The following NSD3 variants were observed in gnomAD, a reference collection of about 807,000 sequenced individuals.
The protein encoded by NSD3 is nuclear receptor binding SET domain protein 3.
A neutral mutation model predicts 160.8 loss-of-function variants in NSD3; 24 were observed. The observed-to-expected ratio is 0.15, with a 90% CI of 0.11 to 0.21. NSD3 has a LOEUF of 0.21. NSD3 is among the 10% of genes least tolerant of loss of function. The pLI, the probability that NSD3 is intolerant of heterozygous loss-of-function variation, is 1.00. For synonymous variants in NSD3, 520 were observed against 600.0 expected, an observed-to-expected ratio of 0.87 and a Z score of 1.95; for missense variants, 1,157 against 1,735.9, an observed-to-expected ratio of 0.67 and a Z score of 5.93.
At chr8:38,346,183 TAC>T (rs1259558034) in intron 2 of NSD3, among the ~76,000 whole-genome samples, 3 of 147,782 alleles carry the variant, frequency 2.0e-5, no homozygotes, top group Admixed American at 2.0e-4. Flanking sequence ...TATGTATATA[TAC>T]ATATATGTAT....
intron 22 of NSD3, chr8:38,276,710 G>A: frequency 1.7e-6 from 1 of 575,660 alleles, no homozygotes; most frequent in Non-Finnish European, 3.0e-6. Flanking sequence ...TTGAGATGGA[G>A]TTCTCGCTCT....
intron 2 of NSD3, among the ~76,000 whole-genome samples, chr8:38,346,897 A>C (rs562990320): frequency 6.6e-6 from 1 of 152,110 alleles, no homozygotes; most frequent in African/African-American, 2.4e-5. Context: ...AGCTAGAATT[A>C]TGTTACATAC....
chr8:38,371,174 T>C (rs1460545939), intron 1 of NSD3, among the ~76,000 whole-genome samples: 3 of 152,158 alleles, frequency 2.0e-5, no homozygotes, highest in East Asian at 1.9e-4. Flanking sequence ...AAAATACATA[T>C]GAAAAAATAT....
Position 38,278,415 on chromosome 8 carries a change from G to A in NSD3, c.3761-3C>T, listed in dbSNP as rs1179204960. The A allele has an allele frequency of 1.2e-6, 2 of 1,607,354 alleles. No homozygotes were observed. The highest frequency in any genetic ancestry group is 1.7e-6 in the Non-Finnish European group (2 of 1,176,182). Reference sequence around the variant, plus strand: ...ATAATTAAATGTTAACTCCATCCCTGAAACACAGGAGAAATAATTATTCAA... The same window carrying A: ...ATAATTAAATGTTAACTCCATCCCTAAAACACAGGAGAAATAATTATTCAA... On this transcript the variant is annotated splice_polypyrimidine_tract_variant and splice_region_variant and intron_variant, in intron 21 of 23. Transcript: ENST00000317025.
At chr8:38,308,797 C>G (rs1809466085) in intron 12 of NSD3, among the ~76,000 whole-genome samples, 1 of 152,144 alleles carries the variant, frequency 6.6e-6, no homozygotes, top group Non-Finnish European at 1.5e-5. Flanking sequence ...GCCTGGGCGA[C>G]AGAGCAAGAA....
chr8:38,278,182 C>T (rs1808653698), intron 22 of NSD3, 124 bp downstream of exon 22: 1 of 651,880 alleles, frequency 1.5e-6, no homozygotes, highest in East Asian at 3.2e-5. Flanking sequence ...TCGTGATCTG[C>T]CCGCCTTGGC....
At chr8:38,341,731 C>T (rs1810372888) in intron 2 of NSD3, among the ~76,000 whole-genome samples, 1 of 151,920 alleles carries the variant, frequency 6.6e-6, no homozygotes, top group Admixed American at 6.6e-5. Context: ...GCAGGTGGAT[C>T]ACTTGAGCCT....
intron 6 of NSD3, 47 bp from the exon 7 acceptor site, chr8:38,326,903 G>A (rs747029369): frequency 6.2e-7 from 1 of 1,605,542 alleles, no homozygotes; most frequent in Non-Finnish European, 8.5e-7. Flanking sequence ...GTGATTACCA[G>A]GCAAGTGGCA....
rs778131454 is a variant in NSD3, at chr8:38,276,497, C to T, written c.3871G>A (p.Ala1291Thr). 3.1e-6 allele frequency: 5 copies of T among 1,614,110 alleles called. No individual in the cohort carries two copies. Among genetic ancestry groups the T allele is most frequent in the Admixed American group, 3.3e-5 (2 of 60,014 alleles). The change falls in exon 23 of 24, where the codon GCA becomes ACA. Residue 1291 changes from alanine (A) to threonine (T), a missense_variant. Physicochemically the swap from Ala to Thr is moderately conservative, Grantham distance 58. Around this residue, in one of 10 missense-constraint regions of NSD3, gnomAD observed 222 missense variants for 409.9 expected, o/e 0.54. Coordinates refer to ENST00000317025, the MANE Select transcript of NSD3 (RefSeq NM_023034.2). ...SGFLGVRPKS[A>T]CASTNEEKAK... is the part of the protein sequence containing the mutation. ...TTCTCTTCATTTGTTGACGCACATG[C>T]CGACTGGCAGGAAAGAAAGGATCAT...
intron 22 of NSD3, among the ~76,000 whole-genome samples, chr8:38,277,665 C>T (rs978967849): frequency 6.6e-6 from 1 of 152,180 alleles, no homozygotes; most frequent in Admixed American, 6.5e-5. Flanking sequence ...AGATATAATT[C>T]ACATACCACA....
At chr8:38,277,576 C>T (rs1808631544) in intron 22 of NSD3, among the ~76,000 whole-genome samples, 1 of 152,168 alleles carries the variant, frequency 6.6e-6, no homozygotes, top group African/African-American at 2.4e-5. Flanking sequence ...CACGCCCAGC[C>T]AGGTGCTTTT....
chr8:38,359,750 C>G (rs1180000686), intron 1 of NSD3, among the ~76,000 whole-genome samples: 1 of 152,050 alleles, frequency 6.6e-6, no homozygotes, highest in East Asian at 1.9e-4. Flanking sequence ...AATGTTTTGT[C>G]AAGGAAATAA....
At chr8:38,376,094 CTA>C (rs1295449342) in intron 1 of NSD3, among the ~76,000 whole-genome samples, 4 of 152,030 alleles carry the variant, frequency 2.6e-5, no homozygotes, top group Non-Finnish European at 5.9e-5. Context: ...ACCAATGTCT[CTA>C]TTTTTTTTCC....
Position 38,338,572 on chromosome 8 carries a change from T to A in NSD3, c.711A>T (p.Lys237Asn), listed in dbSNP as rs1810281428. Residue 237 changes from lysine (K) to asparagine (N), a missense_variant, in exon 3 of 24, where the codon AAA becomes AAT. Coordinates refer to ENST00000317025, the MANE Select transcript of NSD3 (RefSeq NM_023034.2). ...CTTTTAGTACTGGTTCTTCCCTTGG[T>A]TTTTCTGATACAGTGTCAACCCTCT... is the stretch of plus-strand genomic sequence containing the variant. The part of the protein sequence containing the change: ...PNERVDTVSE[K>N]PREEPVLKEE... The A allele has an allele frequency of 6.2e-7, 1 of 1,613,764 alleles. No individual in the cohort carries two copies. Among genetic ancestry groups the A allele is most frequent in the Admixed American group, 1.7e-5 (1 of 59,978 alleles).
intron 2 of NSD3, among the ~76,000 whole-genome samples, chr8:38,338,863 C>T (rs919010398): frequency 4.6e-5 from 7 of 152,046 alleles, no homozygotes; most frequent in South Asian, 2.1e-4. Context: ...ATTTCTAGGC[C>T]GGGTGCAGTA....
intron 6 of NSD3, among the ~76,000 whole-genome samples, chr8:38,328,089 G>A (rs1809960503): frequency 6.6e-6 from 1 of 152,058 alleles, no homozygotes; most frequent in South Asian, 2.1e-4. Context: ...TAATCTCAGT[G>A]CTTTGGAAGG....
chr8:38,361,182 C>T (rs1810951807), intron 1 of NSD3, among the ~76,000 whole-genome samples: 1 of 151,942 alleles, frequency 6.6e-6, no homozygotes, highest in Non-Finnish European at 1.5e-5. Context: ...TTAGTAGAGA[C>T]GGGGTTTCAC....
chr8:38,345,648 C>T (rs893225699), intron 2 of NSD3, among the ~76,000 whole-genome samples: 9 of 152,030 alleles, frequency 5.9e-5, no homozygotes, highest in African/African-American at 1.7e-4. Flanking sequence ...CAGTGGCTCA[C>T]GCCTGTAATC....
At chr8:38,290,028 C>G (rs1157612141) in intron 17 of NSD3, among the ~76,000 whole-genome samples, 1 of 152,056 alleles carries the variant, frequency 6.6e-6, no homozygotes. Flanking sequence ...CCAGCCTGGG[C>G]AACATGGTGA....
Sources: gnomAD v4.1 joint callset for allele counts (sites outside exome capture counted in the v4.1 genomes callset) on GRCh38, gnomAD v4.1.1 for gene constraint, gnomAD v4.1.1 regional missense constraint, MANE v1.5 for transcripts, NCBI Gene and HGNC (gene_info 2026-07-23, HGNC 2026-07-21) for gene names.